SERPINB6: variants seen among roughly 807,000 people sequenced by gnomAD.
The protein encoded by SERPINB6 is serpin B6.
Under a neutral mutation model 26.1 loss-of-function variants are expected in SERPINB6, and 16 were observed. The observed-to-expected ratio is 0.61, with a 90% CI of 0.42 to 0.93. SERPINB6 has a LOEUF of 0.93. Ranked by LOEUF, SERPINB6 falls within the 40% of genes least tolerant of loss-of-function variation. The probability of loss-of-function intolerance (pLI) is 0.00; values close to 1 mark genes in which losing one functional copy is unlikely to be tolerated. For synonymous variants in SERPINB6, 174 were observed against 176.6 expected, an observed-to-expected ratio of 0.99 and a Z score of 0.11; for missense variants, 420 against 478.0, an observed-to-expected ratio of 0.88 and a Z score of 1.13.
intron 5 of SERPINB6, among the ~76,000 whole-genome samples, chr6:2,951,049 C>T (rs1358590874): frequency 3.3e-5 from 5 of 152,182 alleles, no homozygotes; most frequent in African/African-American, 4.8e-5. Context: ...GTACCATCTC[C>T]GTCACAACGA....
rs758991047 is a variant in SERPINB6, at chr6:2,953,161, C to T, written c.456G>A (p.Pro152=). 2 of 1,614,210 alleles carry T rather than the reference C, an allele frequency of 1.2e-6. No homozygotes were observed. Among genetic ancestry groups the T allele is most frequent in the Non-Finnish European group, 1.7e-6 (2 of 1,180,038 alleles). ...GCCTTGTCAATGGATCCACTGAGCCCGGAGAGAGCAACTCCGCAATTTTAC... is the reference window on the plus strand; with the variant it reads ...GCCTTGTCAATGGATCCACTGAGCCTGGAGAGAGCAACTCCGCAATTTTAC... ...TEGKIAELLS[P]GSVDPLTRLV... is the part of the protein sequence containing the mutation. Residue 152 remains proline (P), a synonymous_variant, in exon 5 of 7, where the codon CCG becomes CCA. Transcript: ENST00000380539.
At position 2,948,833 on chromosome 6, in the gene SERPINB6, C is replaced by A. The variant is rs531077615; in HGVS notation, c.729+81G>T. ...AGCGCTCCAGTGTTAAACGGCTGACCGCAAAGTAGGGACAGCAGCCACAGC... is the reference window on the plus strand; with the variant it reads ...AGCGCTCCAGTGTTAAACGGCTGACAGCAAAGTAGGGACAGCAGCCACAGC... On this transcript the variant is annotated intron_variant, in intron 6 of 6. Coordinates refer to ENST00000380539, the MANE Select transcript of SERPINB6 (RefSeq NM_004568.6). This position sits in a 1 kb window ranked among gnomAD's most constrained non-coding sequence, Gnocchi z 5.0. The A allele has an allele frequency of 2.5e-6, 4 of 1,598,116 alleles. No homozygotes were observed. Among genetic ancestry groups the A allele is most frequent in the Non-Finnish European group, 3.4e-6 (4 of 1,167,436 alleles).
At chr6:2,961,677 C>A (rs1304148095) in intron 1 of SERPINB6, among the ~76,000 whole-genome samples, 1 of 152,132 alleles carries the variant, frequency 6.6e-6, no homozygotes. Flanking sequence ...TTTTCCCTGG[C>A]CTGGGGACAT....
intron 5 of SERPINB6, among the ~76,000 whole-genome samples, chr6:2,950,462 G>A (rs1053890977): frequency 6.7e-6 from 1 of 150,268 alleles, no homozygotes; most frequent in African/African-American, 2.5e-5. Context: ...GAACCCGGGA[G>A]GCAGAGGTTG....
chr6:2,957,932 G>C (rs1770676155), intron 2 of SERPINB6: 1 of 152,336 alleles, frequency 6.6e-6, no homozygotes. Context: ...AGGGCTGAGA[G>C]GTGAACAATA....
At chr6:2,954,759 C>T (rs367576551) in intron 3 of SERPINB6, 50 bp from the exon 4 acceptor site, 27 of 1,220,946 alleles carry the variant, frequency 2.2e-5, no homozygotes, top group Admixed American at 3.4e-5. Context: ...ATGATGAACA[C>T]CAACGGCCTA....
chr6:2,964,989 CA>C (rs1211316118), intron 1 of SERPINB6, among the ~76,000 whole-genome samples: 4 of 152,180 alleles, frequency 2.6e-5, no homozygotes, highest in Non-Finnish European at 5.9e-5. Flanking sequence ...GGCACCCGGC[CA>C]AATTCTAGAC....
chr6:2,969,967 G>C, intron 1 of SERPINB6: 1 of 776,392 alleles, frequency 1.3e-6, no homozygotes, highest in Non-Finnish European at 1.6e-6. Flanking sequence ...AAACCCCATT[G>C]CTACTAAAAA....
intron 1 of SERPINB6, among the ~76,000 whole-genome samples, chr6:2,964,835 G>A (rs1771461200): frequency 6.6e-6 from 1 of 152,104 alleles, no homozygotes. Context: ...TTTATTTTAT[G>A]TATGTATTTA....
chr6:2,965,164 C>T (rs1771494169), intron 1 of SERPINB6, among the ~76,000 whole-genome samples: 1 of 152,148 alleles, frequency 6.6e-6, no homozygotes, highest in African/African-American at 2.4e-5. Flanking sequence ...GTGCCTTTCC[C>T]CCCTTTCCTT....
intron 4 of SERPINB6, among the ~76,000 whole-genome samples, chr6:2,953,943 T>G (rs2113175722): frequency 1.3e-5 from 2 of 151,874 alleles, no homozygotes; most frequent in South Asian, 4.2e-4. Flanking sequence ...GATAGGAGAA[T>G]CACTTGAACC....
chr6:2,962,586 A>AT (rs1561686726), intron 1 of SERPINB6, among the ~76,000 whole-genome samples: 2 of 152,206 alleles, frequency 1.3e-5, no homozygotes, highest in Non-Finnish European at 2.9e-5. Context: ...GGAAGAGCAA[A>AT]AATGTAGCTC....
chr6:2,969,833 T>C (rs1554104494), intron 1 of SERPINB6: 4 of 979,044 alleles, frequency 4.1e-6, no homozygotes, highest in Non-Finnish European at 4.9e-6. Flanking sequence ...AACATATAAA[T>C]GGGAGTTAAA....
intron 1 of SERPINB6, 63 bp from the exon 2 acceptor site, chr6:2,959,405 G>A (rs745831038): frequency 1.5e-5 from 24 of 1,556,014 alleles, no homozygotes; most frequent in East Asian, 4.5e-5. Context: ...CATCTCACGC[G>A]CCTTACCGAC....
Position 2,948,232 on chromosome 6 carries a change from G to T in SERPINB6, c.*66C>A. 1 of 1,592,644 alleles carries T rather than the reference G, an allele frequency of 6.3e-7. No homozygotes were observed. Among genetic ancestry groups the T allele is most frequent in the Non-Finnish European group, 8.6e-7 (1 of 1,162,412 alleles). On this transcript the variant is annotated 3_prime_UTR_variant, in exon 7 of 7. Coordinates refer to ENST00000380539, the MANE Select transcript of SERPINB6 (RefSeq NM_004568.6). This position sits in a 1 kb window ranked among gnomAD's most constrained non-coding sequence, Gnocchi z 5.0. ...CTGCACGGATAAGGCCACTTGGGTTGCAGGCACACTGTGGAGTGTCAGGGG... is the reference window on the plus strand; with the variant it reads ...CTGCACGGATAAGGCCACTTGGGTTTCAGGCACACTGTGGAGTGTCAGGGG...
intron 4 of SERPINB6, among the ~76,000 whole-genome samples, chr6:2,953,505 G>A (rs1317059694): frequency 6.6e-6 from 1 of 152,180 alleles, no homozygotes; most frequent in Non-Finnish European, 1.5e-5. Context: ...TATCAAAAAG[G>A]TGGGCAGTCA....
At chr6:2,970,844 AAC>A in intron 1 of SERPINB6, 5 of 1,231,658 alleles carry the variant, frequency 4.1e-6, no homozygotes, top group Non-Finnish European at 5.1e-6. Context: ...GTTTAATTCA[AAC>A]ACAGAGCGGT....
chr6:2,961,845 A>T, intron 1 of SERPINB6: 1 of 984,140 alleles, frequency 1.0e-6, no homozygotes, highest in Non-Finnish European at 1.2e-6. Context: ...ATCCTAGACT[A>T]TTCTACCGTC....
rs1238804134 is a variant in SERPINB6, at chr6:2,970,740, A to AAAG, written c.-11+792_-11+793insCTT. ...TCTTTAGGACAAAAAAAAAAAAAAAAAAAAGGAAGAAAATAACTTAAATGC... is the reference window on the plus strand; with the variant it reads ...TCTTTAGGACAAAAAAAAAAAAAAAAAAGAAAAGGAAGAAAATAACTTAAATGC... On this transcript the variant is annotated intron_variant, in intron 1 of 6. Transcript: ENST00000380539. 3.2e-5 allele frequency: 39 copies of AAAG among 1,229,900 alleles called. No homozygotes were observed. In the East Asian group the frequency reaches 1.2e-3, roughly 39 times the overall value. The allele number at this position is 1,229,900 out of a possible 1,614,324, so 76.2% of individuals were successfully genotyped here.
Sources: gnomAD v4.1 joint callset for allele counts (sites outside exome capture counted in the v4.1 genomes callset) on GRCh38, gnomAD v4.1.1 for gene constraint, Gnocchi (gnomAD v3.1) non-coding constraint, MANE v1.5 for transcripts, NCBI Gene and HGNC (gene_info 2026-07-23, HGNC 2026-07-21) for gene names.